VANGL1: variants seen among roughly 807,000 people sequenced by gnomAD.
VANGL1 encodes vang-like protein 1.
VANGL1 carries 18 observed loss-of-function variants against 48.4 expected under a neutral mutation model. The observed-to-expected ratio is 0.37, with a 90% CI of 0.26 to 0.55. The LOEUF (loss-of-function observed/expected upper bound fraction) is 0.55, where lower values mean the gene tolerates loss of function less well. Ranked by LOEUF, VANGL1 falls within the 20% of genes least tolerant of loss-of-function variation. VANGL1 has a pLI of 0.81. For missense variants in VANGL1, 667 were observed against 675.8 expected (o/e 0.99, Z 0.14); for synonymous variants, 257 against 261.8 (o/e 0.98, Z 0.18).
At chr1:115,667,797 C>G (rs1245006646) in intron 4 of VANGL1, among the ~76,000 whole-genome samples, 1 of 152,118 alleles carries the variant, frequency 6.6e-6, no homozygotes, top group East Asian at 1.9e-4. Context: ...GAGGAGAAAC[C>G]CAGAAGAATA....
At chr1:115,652,906 G>T (rs1033295031) in intron 2 of VANGL1, among the ~76,000 whole-genome samples, 1 of 152,066 alleles carries the variant, frequency 6.6e-6, no homozygotes, top group Non-Finnish European at 1.5e-5. Flanking sequence ...TTTTGTACTT[G>T]TTCAATTTTT....
In VANGL1 at chr1:115,652,167, A is replaced by C. The variant is rs368853726; in HGVS notation, c.71+683A>C. 5.9e-5 allele frequency among the ~76,000 whole-genome samples: 9 copies of C among 152,236 alleles called. No individual in the cohort carries two copies. In the East Asian group the frequency reaches 7.7e-4, roughly 13 times the overall value. ...GAGGCTTATTTAGTGAACTGGTAGGATTGTCCTGGCACCTTATTCTTTTTG... is the reference window on the plus strand; with the variant it reads ...GAGGCTTATTTAGTGAACTGGTAGGCTTGTCCTGGCACCTTATTCTTTTTG... On this transcript the variant is annotated intron_variant, in intron 2 of 7. Coordinates refer to ENST00000355485, the MANE Select transcript of VANGL1 (RefSeq NM_138959.3).
At chr1:115,670,040 A>G (rs903119491) in intron 4 of VANGL1, among the ~76,000 whole-genome samples, 4 of 152,184 alleles carry the variant, frequency 2.6e-5, no homozygotes, top group African/African-American at 9.7e-5. Flanking sequence ...AAATGTAGTC[A>G]TAGTGTGGGG....
intron 4 of VANGL1, among the ~76,000 whole-genome samples, chr1:115,666,716 T>A (rs939111112): frequency 2.0e-5 from 3 of 152,138 alleles, no homozygotes; most frequent in African/African-American, 7.2e-5. Context: ...GTGTTCCTCC[T>A]CTCCCTGCCT....
chr1:115,653,516 G>C (rs1365486079), intron 2 of VANGL1, among the ~76,000 whole-genome samples: 2 of 152,178 alleles, frequency 1.3e-5, no homozygotes, highest in Non-Finnish European at 2.9e-5. Context: ...GGGATTCCCT[G>C]GGTGCTTGGG....
chr1:115,652,095 CT>C (rs1393544157), intron 2 of VANGL1, among the ~76,000 whole-genome samples: 1 of 152,214 alleles, frequency 6.6e-6, no homozygotes, highest in Non-Finnish European at 1.5e-5. Flanking sequence ...TTGCTTGTTG[CT>C]TTTCACCTGA....
At chr1:115,658,955 A>G (rs1325332848) in intron 2 of VANGL1, among the ~76,000 whole-genome samples, 1 of 151,834 alleles carries the variant, frequency 6.6e-6, no homozygotes, top group Non-Finnish European at 1.5e-5. Flanking sequence ...ACACACACAC[A>G]CACACAAACA....
chr1:115,694,911 T>A lies in VANGL1; in HGVS notation c.*3532T>A, dbSNP rs986892716. ...GCTGAGTGTGTGAGGGTGTCTGTGT[T>A]TCTGCAGTCCCCTGTGTTTGAGAGA... On this transcript the variant is annotated 3_prime_UTR_variant, in exon 8 of 8. Transcript: ENST00000355485. 2.0e-5 allele frequency: 3 copies of A among 152,182 alleles called. No individual in the cohort carries two copies. The highest frequency in any genetic ancestry group is 7.2e-5 in the African/African-American group (3 of 41,432). 9.4% of individuals were successfully genotyped at this position (152,182 alleles called of 1,614,324 possible). A position where few individuals can be genotyped will look rare whatever the true frequency, so the allele number is the denominator to read the frequency against.
At position 115,688,079 on chromosome 1, in the gene VANGL1, A is replaced by G. The variant is rs1653703424; in HGVS notation, c.1314+2552A>G. Among the ~76,000 whole-genome samples, 2 of 137,484 alleles carry G rather than the reference A, an allele frequency of 1.5e-5. 1 individual carries two copies. The highest frequency in any genetic ancestry group is 4.9e-4 in the South Asian group (2 of 4,066). 90.2% of individuals were successfully genotyped at this position (137,484 alleles called of 152,430 possible). A position where few individuals can be genotyped will look rare whatever the true frequency, so the allele number is the denominator to read the frequency against. ...TTATCATTCATAGATAGAGATTTAC[A>G]TACTACATCTCTCTATACAATGTAT... On this transcript the variant is annotated intron_variant, in intron 7 of 7. Transcript: ENST00000355485.
At chr1:115,657,035 A>T (rs1652379225) in intron 2 of VANGL1, among the ~76,000 whole-genome samples, 1 of 152,216 alleles carries the variant, frequency 6.6e-6, no homozygotes, top group African/African-American at 2.4e-5. Context: ...GGGCTGGTGG[A>T]GCAGCAGTTC....
intron 1 of VANGL1, among the ~76,000 whole-genome samples, chr1:115,649,590 C>CT (rs1433710786): frequency 6.6e-6 from 1 of 152,236 alleles, no homozygotes; most frequent in Admixed American, 6.5e-5. Context: ...CCTAGCACAT[C>CT]TGGAGCTCGC....
chr1:115,670,728 C>G (rs1652944572), intron 4 of VANGL1, among the ~76,000 whole-genome samples: 1 of 152,170 alleles, frequency 6.6e-6, no homozygotes, highest in Non-Finnish European at 1.5e-5. Context: ...GTGGTTTTGG[C>G]TCATGTTCCT....
chr1:115,654,193 G>C (rs1473277309), intron 2 of VANGL1, among the ~76,000 whole-genome samples: 1 of 152,110 alleles, frequency 6.6e-6, no homozygotes, highest in East Asian at 1.9e-4. Flanking sequence ...GGGTTGGAGG[G>C]GGACCATGCT....
intron 4 of VANGL1, among the ~76,000 whole-genome samples, chr1:115,670,828 C>T (rs1652947227): frequency 6.6e-6 from 1 of 152,136 alleles, no homozygotes; most frequent in Non-Finnish European, 1.5e-5. Context: ...TTTTGCCAGT[C>T]CTTAGCTCCA....
chr1:115,685,676 A>G (rs938707285), intron 7 of VANGL1, 149 bp downstream of exon 7: 1 of 901,408 alleles, frequency 1.1e-6, no homozygotes, highest in Middle Eastern at 3.0e-4. Flanking sequence ...CACTTATTTT[A>G]TGTTATGTTA....
At chr1:115,645,958 A>G (rs1186420998) in intron 1 of VANGL1, among the ~76,000 whole-genome samples, 1 of 152,196 alleles carries the variant, frequency 6.6e-6, no homozygotes, top group Admixed American at 6.5e-5. Context: ...TAATAGCTCT[A>G]GGCAGAGCTG....
chr1:115,645,466 CTATAA>C (rs927376360), intron 1 of VANGL1, among the ~76,000 whole-genome samples: 13 of 152,100 alleles, frequency 8.5e-5, no homozygotes, highest in South Asian at 6.2e-4. Context: ...TACCACAGAT[CTATAA>C]TATAAGTAAA....
intron 2 of VANGL1, among the ~76,000 whole-genome samples, chr1:115,658,251 AATCT>A (rs1295718387): frequency 1.3e-5 from 2 of 152,208 alleles, no homozygotes; most frequent in Non-Finnish European, 2.9e-5. Flanking sequence ...TTTGACAAGA[AATCT>A]ACGTTTTCTT....
chr1:115,653,485 C>T (rs980222220), intron 2 of VANGL1, among the ~76,000 whole-genome samples: 9 of 152,206 alleles, frequency 5.9e-5, no homozygotes, highest in Middle Eastern at 3.2e-3. Context: ...ATCCACACCA[C>T]AATGACAGAA....
Sources: allele counts gnomAD v4.1 joint callset (sites outside exome capture counted in the v4.1 genomes callset), GRCh38; gene constraint gnomAD v4.1.1; transcripts MANE v1.5; gene names NCBI Gene and HGNC (gene_info 2026-07-23, HGNC 2026-07-21).